Variants in PPHLN1 observed in about 807,000 individuals in gnomAD.
PPHLN1 encodes the protein periphilin-1.
Under a neutral mutation model 51.3 loss-of-function variants are expected in PPHLN1, and 29 were observed. The ratio of observed to expected loss-of-function variants is 0.57; its 90% CI spans 0.42 to 0.77. The LOEUF (loss-of-function observed/expected upper bound fraction) is 0.77. Ranked by LOEUF, PPHLN1 falls within the 30% of genes least tolerant of loss-of-function variation. The probability of loss-of-function intolerance (pLI) is 0.00; values close to 1 mark genes in which losing one functional copy is unlikely to be tolerated. For synonymous variants in PPHLN1, 147 were observed against 147.8 expected, an observed-to-expected ratio of 0.99 and a Z score of 0.04; for missense variants, 436 against 438.4, an observed-to-expected ratio of 0.99 and a Z score of 0.05.
chr12:42,354,195 A>C (rs1232413684), intron 3 of PPHLN1, among the ~76,000 whole-genome samples: 4 of 152,156 alleles, frequency 2.6e-5, no homozygotes, highest in African/African-American at 4.8e-5. Flanking sequence ...CGTAATTTGC[A>C]TATTGTATTA....
chr12:42,331,742 ATTG>A (rs1402168693), intron 1 of PPHLN1: 1 of 152,106 alleles, frequency 6.6e-6, no homozygotes, highest in Non-Finnish European at 1.5e-5. Context: ...GGGTCCTTCT[ATTG>A]TTCTGTTGAT....
chr12:42,332,713 T>C (rs1473335951), intron 1 of PPHLN1: 1 of 1,447,150 alleles, frequency 6.9e-7, no homozygotes, highest in African/African-American at 1.4e-5. Flanking sequence ...GTAAGTATAG[T>C]ATAGTAGTAT....
intron 4 of PPHLN1, among the ~76,000 whole-genome samples, chr12:42,368,422 A>G (rs2075484209): frequency 6.6e-6 from 1 of 152,230 alleles, no homozygotes; most frequent in Non-Finnish European, 1.5e-5. Flanking sequence ...GAGATAACTG[A>G]TGATGAAAAG....
At chr12:42,445,745 G>A (rs908445397), downstream of PPHLN1, 2 of 437,254 alleles carry the variant, frequency 4.6e-6, no homozygotes, top group African/African-American at 4.0e-5. Context: ...GAAAACAATG[G>A]AGAATATGAG....
At chr12:42,369,469 G>A (rs903941812) in intron 4 of PPHLN1, among the ~76,000 whole-genome samples, 1 of 152,096 alleles carries the variant, frequency 6.6e-6, no homozygotes, top group South Asian at 2.1e-4. Context: ...CCTTTTACTG[G>A]TTTAATGGAA....
At chr12:42,329,632 A>T (rs1481423639) in intron 1 of PPHLN1, among the ~76,000 whole-genome samples, 1 of 152,164 alleles carries the variant, frequency 6.6e-6, no homozygotes, top group Non-Finnish European at 1.5e-5. Context: ...ATTACTAGTG[A>T]GGGACTAATG....
intron 5 of PPHLN1, among the ~76,000 whole-genome samples, chr12:42,377,629 A>C (rs1040025759): frequency 1.3e-5 from 2 of 152,148 alleles, no homozygotes; most frequent in Admixed American, 1.3e-4. Context: ...TGGGATGTGT[A>C]TGACTTAAAT....
Position 42,399,071 on chromosome 12 carries a change from A to G in PPHLN1, c.909+77A>G, listed in dbSNP as rs1347851645. Reference sequence around the variant, plus strand: ...ACATGTAAACATTTATTGAATAAATATGCTTCATTTCTTTTTCCACCTGTA... The same window carrying G: ...ACATGTAAACATTTATTGAATAAATGTGCTTCATTTCTTTTTCCACCTGTA... On this transcript the variant is annotated intron_variant, in intron 9 of 9. Transcript: ENST00000358314. 7.8e-6 allele frequency: 12 copies of G among 1,533,228 alleles called. 1 individual carries two copies. In the African/African-American group the frequency reaches 9.6e-5, roughly 12 times the overall value. 95.0% of individuals were successfully genotyped at this position (1,533,228 alleles called of 1,614,324 possible).
At chr12:42,326,948 C>T (rs1196034125) in intron 1 of PPHLN1, among the ~76,000 whole-genome samples, 2 of 152,160 alleles carry the variant, frequency 1.3e-5, no homozygotes, top group Non-Finnish European at 2.9e-5. Context: ...AGAGTGAAGC[C>T]GATGTCTTCT....
At chr12:42,376,184 C>G (rs2076250815) in intron 5 of PPHLN1, among the ~76,000 whole-genome samples, 1 of 152,152 alleles carries the variant, frequency 6.6e-6, no homozygotes, top group Non-Finnish European at 1.5e-5. Context: ...AATTATGAGC[C>G]AAGGTGCAGA....
chr12:42,376,700 A>G (rs1565874173), intron 5 of PPHLN1, among the ~76,000 whole-genome samples: 1 of 152,176 alleles, frequency 6.6e-6, no homozygotes, highest in Non-Finnish European at 1.5e-5. Flanking sequence ...CTGAGGTAGG[A>G]TTGCTTGAGC....
At chr12:42,391,313 A>G (rs1459425381) in intron 7 of PPHLN1, among the ~76,000 whole-genome samples, 1 of 152,156 alleles carries the variant, frequency 6.6e-6, no homozygotes, top group Non-Finnish European at 1.5e-5. Context: ...ATCTCGGCTC[A>G]CTGCAACCTC....
chr12:42,377,510 G>A (rs916633914), intron 5 of PPHLN1, among the ~76,000 whole-genome samples: 1 of 151,890 alleles, frequency 6.6e-6, no homozygotes, highest in African/African-American at 2.4e-5. Context: ...CACCATGTTG[G>A]CCAAGCTGGT....
chr12:42,398,782 C>T (rs1028456200), intron 8 of PPHLN1, 72 bp from the exon 9 acceptor site: 2 of 1,397,792 alleles, frequency 1.4e-6, no homozygotes, highest in Non-Finnish European at 1.9e-6. Context: ...CCAGTTAGTG[C>T]CTATACACAA....
chr12:42,341,268 C>T (rs369474102), intron 2 of PPHLN1, among the ~76,000 whole-genome samples: 1 of 152,166 alleles, frequency 6.6e-6, no homozygotes. Flanking sequence ...CGTGAGCCAT[C>T]GTGCCCGGCT....
At position 42,356,393 on chromosome 12, in the gene PPHLN1, C is replaced by A. The variant is rs141681138; in HGVS notation, c.299+1171C>A. On this transcript the variant is annotated intron_variant, in intron 4 of 9. Transcript: ENST00000358314. ...GTGGGATACACTGTGGCTGTGGAAC[C>A]CAGGGTCAAGAGCTTGGTACCTTTT... Among the ~76,000 whole-genome samples, 134 of 152,282 alleles carry A rather than the reference C, an allele frequency of 8.8e-4. 1 individual carries two copies. The highest frequency in any genetic ancestry group is 1.3e-3 in the Non-Finnish European group (87 of 68,028).
intron 4 of PPHLN1, among the ~76,000 whole-genome samples, chr12:42,360,698 T>C (rs1218463849): frequency 6.6e-6 from 1 of 152,024 alleles, no homozygotes; most frequent in Non-Finnish European, 1.5e-5. Flanking sequence ...TTTCATTATG[T>C]TGGCCAGGCT....
At chr12:42,353,674 A>G (rs969888238) in intron 3 of PPHLN1, among the ~76,000 whole-genome samples, 1 of 152,162 alleles carries the variant, frequency 6.6e-6, no homozygotes, top group Non-Finnish European at 1.5e-5. Context: ...TTGGGGTTCA[A>G]GTAGCTTTTG....
chr12:42,446,181 A>G (rs771872115), downstream of PPHLN1: 5 of 1,611,058 alleles, frequency 3.1e-6, no homozygotes, highest in Admixed American at 1.7e-5. Context: ...GGGATGCTGA[A>G]GAAGACAACT....
Sources: gnomAD v4.1 joint callset for allele counts (sites outside exome capture counted in the v4.1 genomes callset) on GRCh38, gnomAD v4.1.1 for gene constraint, MANE v1.5 for transcripts, NCBI Gene and HGNC (gene_info 2026-07-23, HGNC 2026-07-21) for gene names.